Variants in PRKCB observed in about 807,000 individuals in gnomAD.
PRKCB encodes protein kinase C beta type.
In PRKCB, 13 loss-of-function variants were observed where a neutral mutation model predicts 81.5. The observed-to-expected ratio is 0.16, with a 90% CI of 0.10 to 0.25. The LOEUF (loss-of-function observed/expected upper bound fraction) is 0.25. PRKCB is among the 10% of genes least tolerant of loss of function. The pLI, the probability that PRKCB is intolerant of heterozygous loss-of-function variation, is 1.00. For synonymous variants in PRKCB, 335 were observed against 321.4 expected, an observed-to-expected ratio of 1.04 and a Z score of -0.45; for missense variants, 509 against 875.7, an observed-to-expected ratio of 0.58 and a Z score of 5.29.
intron 2 of PRKCB, among the ~76,000 whole-genome samples, chr16:23,986,352 C>A (rs981061765): frequency 6.6e-6 from 1 of 152,140 alleles, no homozygotes; most frequent in Non-Finnish European, 1.5e-5. Context: ...TTCCTGGGCT[C>A]AAGCGATCCT....
intron 9 of PRKCB, chr16:24,151,600 G>A (rs1967080550): frequency 8.6e-6 from 3 of 347,148 alleles, no homozygotes; most frequent in Non-Finnish European, 1.7e-5. Flanking sequence ...CAGATTAGAG[G>A]AGGAGATAAC....
chr16:24,072,276 T>A (rs956104417), intron 5 of PRKCB, among the ~76,000 whole-genome samples: 4 of 152,116 alleles, frequency 2.6e-5, no homozygotes, highest in African/African-American at 9.7e-5. Flanking sequence ...CTTTTGTTTT[T>A]AATTTTTTTG....
intron 9 of PRKCB, among the ~76,000 whole-genome samples, chr16:24,126,977 T>TTA (rs1039190751): frequency 8.0e-5 from 12 of 150,016 alleles, no homozygotes; most frequent in Admixed American, 2.0e-4. Flanking sequence ...CTGTCCTAAA[T>TTA]TATATATATA....
intron 3 of PRKCB, among the ~76,000 whole-genome samples, chr16:24,024,210 GC>G (rs1965446238): frequency 6.6e-6 from 1 of 152,158 alleles, no homozygotes; most frequent in Admixed American, 6.6e-5. Context: ...AATAAGCCAG[GC>G]ACAGAAAGAC....
chr16:23,990,490 T>C (rs6497705), intron 3 of PRKCB, among the ~76,000 whole-genome samples: 87,437 of 149,956 alleles, frequency 0.58, 25,868 homozygotes, highest in South Asian at 0.79. Context: ...CTTTTTTTTT[T>C]TTTTTCTTTT....
rs551110539 is a variant in PRKCB, at chr16:23,846,612, A to G, written c.205+9206A>G. Among the ~76,000 whole-genome samples the G allele has an allele frequency of 3.9e-3, 587 of 150,434 alleles. 2 individuals are homozygous for G. The highest frequency in any genetic ancestry group is 0.013 in the African/African-American group (552 of 41,106). The stretch of plus-strand genomic sequence containing the variant: ...CGACAGAGCGAGACTCCGTCTCAAA[A>G]AAAAAAAAAAAAAAAAAAAAGTTAG... On this transcript the variant is annotated intron_variant, in intron 2 of 16. Coordinates refer to ENST00000643927, the MANE Select transcript of PRKCB (RefSeq NM_002738.7).
chr16:24,201,202 C>T (rs1413979607), intron 16 of PRKCB, among the ~76,000 whole-genome samples: 1 of 152,212 alleles, frequency 6.6e-6, no homozygotes, highest in African/African-American at 2.4e-5. Context: ...CCTGTTTAGT[C>T]TGTCTACAGC....
chr16:24,058,438 A>C lies in PRKCB; in HGVS notation c.529+22891A>C, dbSNP rs1433706652. 2.0e-5 allele frequency among the ~76,000 whole-genome samples: 3 copies of C among 152,162 alleles called. No individual in the cohort carries two copies. In the East Asian group the frequency reaches 5.8e-4, roughly 29 times the overall value. The stretch of plus-strand genomic sequence containing the variant: ...AATAGGTTAAAAAAAAAAACCAAAA[A>C]CGGTGGGCTGCTAGGCAGAAGTGTA... On this transcript the variant is annotated intron_variant, in intron 5 of 16. Transcript: ENST00000643927.
intron 2 of PRKCB, among the ~76,000 whole-genome samples, chr16:23,878,385 A>G (rs1422479670): frequency 6.6e-6 from 1 of 152,172 alleles, no homozygotes; most frequent in Non-Finnish European, 1.5e-5. Context: ...CTCGTGCCTG[A>G]TCAAAGCTTA....
chr16:24,199,704 C>T (rs968499696), intron 16 of PRKCB, among the ~76,000 whole-genome samples: 7 of 152,212 alleles, frequency 4.6e-5, no homozygotes, highest in African/African-American at 1.4e-4. Context: ...TAACTGCCTT[C>T]CATGAATTGC....
intron 5 of PRKCB, among the ~76,000 whole-genome samples, chr16:24,055,872 ACTACAACAGC>A (rs1421498879): frequency 3.9e-5 from 6 of 152,172 alleles, no homozygotes; most frequent in African/African-American, 1.4e-4. Context: ...AATTTCCTGC[ACTACAACAGC>A]CTACTAAGTG....
At chr16:24,214,065 C>T (rs1019927586) in intron 16 of PRKCB, among the ~76,000 whole-genome samples, 1 of 151,968 alleles carries the variant, frequency 6.6e-6, no homozygotes. Flanking sequence ...GTTGCCCAGG[C>T]GTTGCAAGCA....
intron 12 of PRKCB, among the ~76,000 whole-genome samples, chr16:24,179,967 C>T (rs958313384): frequency 2.0e-5 from 3 of 151,380 alleles, no homozygotes; most frequent in South Asian, 2.1e-4. Flanking sequence ...TTTTTCAAGA[C>T]GGAGTCTCGC....
intron 7 of PRKCB, among the ~76,000 whole-genome samples, chr16:24,112,739 AT>A (rs959091271): frequency 1.3e-5 from 2 of 151,868 alleles, no homozygotes; most frequent in South Asian, 2.1e-4. Flanking sequence ...TGTGATATAC[AT>A]TTTTTTTCTG....
intron 7 of PRKCB, among the ~76,000 whole-genome samples, chr16:24,109,352 G>A (rs1285591380): frequency 9.2e-6 from 1 of 108,460 alleles, no homozygotes; most frequent in Non-Finnish European, 1.8e-5. Context: ...TTCCCAGACG[G>A]GGCGGCTGCT....
intron 2 of PRKCB, among the ~76,000 whole-genome samples, chr16:23,949,168 G>C (rs1321235547): frequency 6.6e-6 from 1 of 152,158 alleles, no homozygotes; most frequent in Non-Finnish European, 1.5e-5. Flanking sequence ...CAGGGACAGA[G>C]AATGAGATTG....
intron 2 of PRKCB, among the ~76,000 whole-genome samples, chr16:23,875,352 T>G (rs953473399): frequency 5.3e-5 from 8 of 151,826 alleles, no homozygotes; most frequent in Middle Eastern, 3.2e-3. Context: ...CTGTGTCTTA[T>G]GATAAAAAAA....
At chr16:24,085,766 T>A (rs1433846420) in intron 5 of PRKCB, among the ~76,000 whole-genome samples, 2 of 152,194 alleles carry the variant, frequency 1.3e-5, no homozygotes, top group African/African-American at 4.8e-5. Flanking sequence ...TCTGCCTGAC[T>A]CTGAGGTCTA....
At position 23,941,098 on chromosome 16, in the gene PRKCB, A is replaced by T. The variant is rs556853853; in HGVS notation, c.206-47410A>T. ...GGGTTGGCAAATGTTTTCTTACAGG[A>T]CTAGATAGTAAATATTTTAGGTTTA... On this transcript the variant is annotated intron_variant, in intron 2 of 16. Coordinates refer to ENST00000643927, the MANE Select transcript of PRKCB (RefSeq NM_002738.7). Among the ~76,000 whole-genome samples the T allele has an allele frequency of 2.6e-5, 4 of 152,202 alleles. No homozygotes were observed. In the South Asian group the frequency reaches 8.3e-4, roughly 32 times the overall value.
Sources: gnomAD v4.1 joint callset for allele counts (sites outside exome capture counted in the v4.1 genomes callset) on GRCh38, gnomAD v4.1.1 for gene constraint, MANE v1.5 for transcripts, NCBI Gene and HGNC (gene_info 2026-07-23, HGNC 2026-07-21) for gene names.